Variants in ZNF678 observed in about 807,000 individuals in gnomAD.
ZNF678 encodes hypothetical protein MGC42493.
ZNF678 carries 5 observed loss-of-function variants against 3.0 expected under a neutral mutation model. The ratio of observed to expected loss-of-function variants is 1.69; its 90% CI spans 0.88 to 3.56. The LOEUF is 3.56. ZNF678 is among the 30% of genes most tolerant of loss of function. The pLI is 0.00. For missense variants in ZNF678, 593 were observed against 605.0 expected (o/e 0.98, Z 0.21); for synonymous variants, 218 against 199.6 (o/e 1.09, Z -0.78).
chr1:227,579,697 C>T (rs912380725), intron 1 of ZNF678, among the ~76,000 whole-genome samples: 2 of 152,074 alleles, frequency 1.3e-5, no homozygotes, highest in African/African-American at 2.4e-5. Flanking sequence ...GTGTGGGCCC[C>T]CAGGACACCC....
chr1:227,652,604 G>C (rs1381938395), intron 3 of ZNF678, among the ~76,000 whole-genome samples: 1 of 151,988 alleles, frequency 6.6e-6, no homozygotes, highest in Non-Finnish European at 1.5e-5. Context: ...AACCCCCAAA[G>C]TTACAACATA....
chr1:227,671,967 G>C (rs1659607757), intron 5 of ZNF678, among the ~76,000 whole-genome samples: 1 of 152,222 alleles, frequency 6.6e-6, no homozygotes, highest in Non-Finnish European at 1.5e-5. Context: ...CATTCACGCA[G>C]GAGCTGATCT....
At chr1:227,586,559 ATAAACT>A (rs1558133302) in intron 1 of ZNF678, among the ~76,000 whole-genome samples, 1 of 152,258 alleles carries the variant, frequency 6.6e-6, no homozygotes, top group Non-Finnish European at 1.5e-5. Context: ...AAACGAATTG[ATAAACT>A]TAAAAATAAG....
intron 1 of ZNF678, among the ~76,000 whole-genome samples, chr1:227,609,444 G>A (rs1036126952): frequency 6.6e-6 from 1 of 152,192 alleles, no homozygotes; most frequent in Non-Finnish European, 1.5e-5. Context: ...CAGATGGCTA[G>A]TACCTATTAG....
rs1571920489 is a variant in ZNF678, at chr1:227,657,337, C to G, written c.*1509C>G. 1 of 151,934 alleles carries G rather than the reference C, an allele frequency of 6.6e-6. No individual in the cohort carries two copies. The highest frequency in any genetic ancestry group is 1.9e-4 in the East Asian group (1 of 5,198). 9.4% of individuals were successfully genotyped at this position (151,934 alleles called of 1,614,324 possible). On this transcript the variant is annotated 3_prime_UTR_variant, in exon 4 of 4. Coordinates refer to ENST00000343776, the MANE Select transcript of ZNF678 (RefSeq NM_001367909.1). ...AGATGTTGATGTCATGCTTGTATAG[C>G]CAACAGAACTGAGGCTAATAAACCT...
In ZNF678 at chr1:227,584,836, C is replaced by T. The variant is rs182588751; in HGVS notation, c.-164+21112C>T. 1.2e-4 allele frequency among the ~76,000 whole-genome samples: 18 copies of T among 152,228 alleles called. No homozygotes were observed. In the South Asian group the frequency reaches 2.9e-3, roughly 25 times the overall value. On this transcript the variant is annotated intron_variant, in intron 1 of 3. Transcript: ENST00000343776. ...GACAGCCAGGGTGATCAGACTTGTGCGATGGCGGACAGTGAGAAACCTTAT... is the reference window on the plus strand; with the variant it reads ...GACAGCCAGGGTGATCAGACTTGTGTGATGGCGGACAGTGAGAAACCTTAT...
intron 1 of ZNF678, among the ~76,000 whole-genome samples, chr1:227,572,253 C>A (rs1017628316): frequency 9.3e-3 from 1,293 of 138,926 alleles, no homozygotes; most frequent in Non-Finnish European, 0.01. Context: ...GAGTGAGGAC[C>A]ATTTCTTGTT....
At chr1:227,608,330 C>A (rs1342834586) in intron 1 of ZNF678, among the ~76,000 whole-genome samples, 1 of 151,698 alleles carries the variant, frequency 6.6e-6, no homozygotes, top group Non-Finnish European at 1.5e-5. Flanking sequence ...TGATTGGAAT[C>A]CAGTTAATTC....
At chr1:227,602,438 A>AT (rs1367129093) in intron 1 of ZNF678, among the ~76,000 whole-genome samples, 1 of 152,046 alleles carries the variant, frequency 6.6e-6, no homozygotes, top group Non-Finnish European at 1.5e-5. Context: ...ATATTTCACA[A>AT]TTTTTTTTGG....
At chr1:227,619,712 C>T (rs1011433641) in intron 1 of ZNF678, among the ~76,000 whole-genome samples, 3 of 151,670 alleles carry the variant, frequency 2.0e-5, no homozygotes, top group Non-Finnish European at 4.4e-5. Flanking sequence ...GGGGTTTCAC[C>T]GTGTTAGCCA....
rs1464453892 is a variant in ZNF678, at chr1:227,654,235, A to G, written c.86-101A>G. ...ATGGCATGTGATATTTTATTATGCCATCTTGTTAATGTCTCTGATATAATT... is the reference window on the plus strand; with the variant it reads ...ATGGCATGTGATATTTTATTATGCCGTCTTGTTAATGTCTCTGATATAATT... On this transcript the variant is annotated intron_variant, in intron 3 of 3. Coordinates refer to ENST00000343776, the MANE Select transcript of ZNF678 (RefSeq NM_001367909.1). 7.5e-6 allele frequency: 7 copies of G among 937,998 alleles called. No individual in the cohort carries two copies. The East Asian group carries it at 1.8e-4, about 24-fold the overall frequency. 58.1% of individuals were successfully genotyped at this position (937,998 alleles called of 1,614,324 possible). A position where few individuals can be genotyped will look rare whatever the true frequency, so the allele number is the denominator to read the frequency against.
rs1349334303 is a variant in ZNF678 at position 227,657,408 on chromosome 1, C to T, written c.*1580C>T. On this transcript the variant is annotated 3_prime_UTR_variant, in exon 4 of 4. Transcript: ENST00000343776. ...AGTGTTAAGTATTCCCTTCTAGCAG[C>T]ACAAAATGGACTAACATCCCATAGG... The T allele has an allele frequency of 6.6e-6, 1 of 151,906 alleles. No homozygotes were observed. Among genetic ancestry groups the T allele is most frequent in the African/African-American group, 2.4e-5 (1 of 41,386 alleles). The allele number at this position is 151,906 out of a possible 1,614,324, so 9.4% of individuals were successfully genotyped here. A position where few individuals can be genotyped will look rare whatever the true frequency, so the allele number is the denominator to read the frequency against.
At chr1:227,603,625 C>T (rs1054837692) in intron 1 of ZNF678, among the ~76,000 whole-genome samples, 9 of 152,178 alleles carry the variant, frequency 5.9e-5, no homozygotes, top group African/African-American at 2.2e-4. Flanking sequence ...GTCTTGGCAC[C>T]CCAACCCAGC....
intron 1 of ZNF678, among the ~76,000 whole-genome samples, chr1:227,565,002 G>A (rs1285886910): frequency 6.6e-6 from 1 of 150,572 alleles, no homozygotes; most frequent in East Asian, 2.0e-4. Flanking sequence ...CAAAGTGCTG[G>A]GATTACAGGC....
chr1:227,593,933 A>G (rs1403529456), intron 1 of ZNF678, among the ~76,000 whole-genome samples: 1 of 142,718 alleles, frequency 7.0e-6, no homozygotes, highest in Admixed American at 7.3e-5. Flanking sequence ...GGGTACTTCC[A>G]GGCTGGCTCA....
intron 1 of ZNF678, chr1:227,599,048 C>T (rs1657666412): frequency 1.0e-5 from 16 of 1,585,998 alleles, no homozygotes; most frequent in East Asian, 2.2e-5. Flanking sequence ...AGGCCTTGGT[C>T]GATTCAAATA....
intron 1 of ZNF678, among the ~76,000 whole-genome samples, chr1:227,629,977 A>G (rs1453190938): frequency 6.8e-6 from 1 of 146,472 alleles, no homozygotes; most frequent in Non-Finnish European, 1.5e-5. Context: ...GTCCCATTCC[A>G]CCTTTTTTCT....
chr1:227,663,516 G>A (rs758288736), downstream of ZNF678, among the ~76,000 whole-genome samples: 6 of 152,132 alleles, frequency 3.9e-5, no homozygotes, highest in Admixed American at 1.3e-4. Flanking sequence ...GTTAACCCCC[G>A]GCTCCCCTTT....
chr1:227,583,653 TAGG>T (rs1252322336), intron 1 of ZNF678, among the ~76,000 whole-genome samples: 1 of 151,444 alleles, frequency 6.6e-6, no homozygotes, highest in Non-Finnish European at 1.5e-5. Flanking sequence ...GAAAAAAAAA[TAGG>T]AGGTAGGAAA....
Sources: allele counts gnomAD v4.1 joint callset (sites outside exome capture counted in the v4.1 genomes callset), GRCh38; gene constraint gnomAD v4.1.1; transcripts MANE v1.5; gene names NCBI Gene and HGNC (gene_info 2026-07-23, HGNC 2026-07-21).